Variants in ERBB4 observed in about 807,000 individuals in gnomAD.
ERBB4 encodes receptor tyrosine-protein kinase erbB-4.
Under a neutral mutation model 158.0 loss-of-function variants are expected in ERBB4, and 42 were observed. The ratio of observed to expected loss-of-function variants is 0.27; its 90% CI spans 0.21 to 0.34. The LOEUF (loss-of-function observed/expected upper bound fraction) is 0.34. Among genes scored for constraint, ERBB4 ranks in the 10% least tolerant of loss-of-function variants. The probability of loss-of-function intolerance (pLI) is 1.00; values close to 1 mark genes in which losing one functional copy is unlikely to be tolerated. For synonymous variants in ERBB4, 583 were observed against 558.7 expected (o/e 1.04, Z -0.61); for missense variants, 1,333 against 1,624.1 (o/e 0.82, Z 3.08).
intron 1 of ERBB4, among the ~76,000 whole-genome samples, chr2:212,381,533 T>C (rs2090504775): frequency 6.6e-6 from 1 of 151,248 alleles, no homozygotes; most frequent in Non-Finnish European, 1.5e-5. Flanking sequence ...CTTTCTTAAC[T>C]CTCCAAGCAA....
chr2:212,191,522 T>C (rs545028477), intron 1 of ERBB4, among the ~76,000 whole-genome samples: 1 of 151,446 alleles, frequency 6.6e-6, no homozygotes, highest in South Asian at 2.1e-4. Context: ...TTATACATGT[T>C]ATACCTGTTA....
At chr2:211,751,247 T>C (rs2075122899) in intron 4 of ERBB4, among the ~76,000 whole-genome samples, 1 of 152,206 alleles carries the variant, frequency 6.6e-6, no homozygotes, top group Non-Finnish European at 1.5e-5. Flanking sequence ...TAATATATAC[T>C]TCTAAAATGT....
chr2:211,938,872 T>A (rs1160107851), intron 3 of ERBB4, among the ~76,000 whole-genome samples: 2 of 152,116 alleles, frequency 1.3e-5, no homozygotes, highest in African/African-American at 2.4e-5. Flanking sequence ...TCCAAAAGAA[T>A]CCTAAACTTT....
chr2:212,250,420 TTCTC>T (rs141754397), intron 1 of ERBB4, among the ~76,000 whole-genome samples: 2,431 of 152,080 alleles, frequency 0.016, 63 homozygotes, highest in African/African-American at 0.055. Flanking sequence ...TGTTTGAAAT[TTCTC>T]TCAATGACTT....
intron 1 of ERBB4, among the ~76,000 whole-genome samples, chr2:212,265,931 GC>G (rs1478805900): frequency 6.6e-6 from 1 of 151,978 alleles, no homozygotes; most frequent in Non-Finnish European, 1.5e-5. Flanking sequence ...CACTGAAGTG[GC>G]ATATAGTATA....
chr2:212,128,719 T>C (rs969880982), intron 1 of ERBB4, among the ~76,000 whole-genome samples: 1 of 152,224 alleles, frequency 6.6e-6, no homozygotes, highest in Non-Finnish European at 1.5e-5. Flanking sequence ...ATTTGCTAAA[T>C]ATATAATGAA....
At chr2:211,922,138 C>T (rs1038943119) in intron 3 of ERBB4, among the ~76,000 whole-genome samples, 1 of 152,076 alleles carries the variant, frequency 6.6e-6, no homozygotes, top group Non-Finnish European at 1.5e-5. Context: ...TGTTTGTCAG[C>T]AGTGTGGAAG....
intron 4 of ERBB4, among the ~76,000 whole-genome samples, chr2:211,786,576 C>G (rs1252151100): frequency 6.6e-6 from 1 of 152,212 alleles, no homozygotes; most frequent in Non-Finnish European, 1.5e-5. Flanking sequence ...CAAAGAGACA[C>G]CATCTGTGAA....
At chr2:211,628,064 A>G (rs2069929657) in intron 17 of ERBB4, among the ~76,000 whole-genome samples, 1 of 152,140 alleles carries the variant, frequency 6.6e-6, no homozygotes. Flanking sequence ...TAATTTAATG[A>G]TCCTAATTAA....
chr2:212,099,204 T>C (rs2079015183), intron 2 of ERBB4, among the ~76,000 whole-genome samples: 1 of 151,062 alleles, frequency 6.6e-6, no homozygotes, highest in African/African-American at 2.4e-5. Context: ...TAAAAATAAA[T>C]CATGCCACTG....
intron 15 of ERBB4, among the ~76,000 whole-genome samples, chr2:211,662,191 C>T (rs1377745468): frequency 6.7e-6 from 1 of 149,232 alleles, no homozygotes; most frequent in East Asian, 2.0e-4. Context: ...CATTTCATTC[C>T]AAGTCTAAAA....
intron 19 of ERBB4, among the ~76,000 whole-genome samples, chr2:211,562,498 G>T (rs2067424669): frequency 6.6e-6 from 1 of 152,150 alleles, no homozygotes; most frequent in South Asian, 2.1e-4. Flanking sequence ...GTAGAGTAAG[G>T]TGAGCTGAAC....
chr2:211,797,230 A>T (rs1177804442), intron 3 of ERBB4, among the ~76,000 whole-genome samples: 5 of 152,042 alleles, frequency 3.3e-5, no homozygotes, highest in Non-Finnish European at 5.9e-5. Flanking sequence ...CAGTAGAACA[A>T]ATCAGTAGAG....
intron 1 of ERBB4, among the ~76,000 whole-genome samples, chr2:212,130,352 T>A (rs746745714): frequency 5.3e-5 from 8 of 152,176 alleles, no homozygotes; most frequent in Non-Finnish European, 8.8e-5. Context: ...CTGTTACAAA[T>A]GTAGCTATAC....
chr2:211,691,973 G>C (rs1364790471), intron 12 of ERBB4, among the ~76,000 whole-genome samples: 1 of 152,130 alleles, frequency 6.6e-6, no homozygotes, highest in African/African-American at 2.4e-5. Flanking sequence ...GGAGAGTAAA[G>C]GACCTCCTAT....
chr2:211,790,634 G>A (rs1167054305), intron 3 of ERBB4, among the ~76,000 whole-genome samples: 4 of 151,916 alleles, frequency 2.6e-5, no homozygotes, highest in Admixed American at 6.6e-5. Context: ...AATCTTACAC[G>A]TTAACATTTC....
At chr2:211,580,891 A>ATTTT (rs1559317902) in intron 19 of ERBB4, among the ~76,000 whole-genome samples, 241 of 14,540 alleles carry the variant, frequency 0.017, 19 homozygotes, top group Non-Finnish European at 0.04. Context: ...ATATATATAT[A>ATTTT]TATATATATA....
chr2:212,053,254 T>A (rs768622452), intron 2 of ERBB4, among the ~76,000 whole-genome samples: 1 of 152,190 alleles, frequency 6.6e-6, no homozygotes, highest in East Asian at 1.9e-4. Context: ...AATTTCTCTT[T>A]TAGTAAGGTA....
intron 1 of ERBB4, among the ~76,000 whole-genome samples, chr2:212,183,111 T>TTTGAC (rs1452694528): frequency 6.6e-6 from 1 of 151,902 alleles, no homozygotes; most frequent in Non-Finnish European, 1.5e-5. Flanking sequence ...ATGTTTTAAG[T>TTTGAC]TTGACTTACC....
Sources: allele counts gnomAD v4.1 joint callset (sites outside exome capture counted in the v4.1 genomes callset), GRCh38; gene constraint gnomAD v4.1.1; transcripts MANE v1.5; gene names NCBI Gene and HGNC (gene_info 2026-07-23, HGNC 2026-07-21).